Variants in RAB30 observed in about 807,000 individuals in gnomAD.
RAB30 encodes ras-related protein Rab-30.
A neutral mutation model predicts 25.1 loss-of-function variants in RAB30; 9 were observed. The observed-to-expected ratio is 0.36, with a 90% CI of 0.22 to 0.63. The LOEUF (loss-of-function observed/expected upper bound fraction) is 0.63, where lower values mean the gene tolerates loss of function less well. Among genes scored for constraint, RAB30 ranks in the 20% least tolerant of loss-of-function variants. The probability of loss-of-function intolerance (pLI) is 0.69; values close to 1 mark genes in which losing one functional copy is unlikely to be tolerated. For synonymous variants in RAB30, 77 were observed against 86.4 expected (o/e 0.89, Z 0.60); for missense variants, 140 against 243.5 (o/e 0.58, Z 2.83).
intron 2 of RAB30, among the ~76,000 whole-genome samples, chr11:82,996,018 G>A (rs927885317): frequency 6.6e-6 from 1 of 152,188 alleles, no homozygotes; most frequent in African/African-American, 2.4e-5. Context: ...TATGACTAAT[G>A]TTAGGTAGAA....
intron 1 of RAB30, among the ~76,000 whole-genome samples, chr11:83,046,715 G>A (rs1483369663): frequency 1.4e-4 from 21 of 152,090 alleles, no homozygotes; most frequent in Non-Finnish European, 5.9e-5. Context: ...AGCTGGTCTC[G>A]AACTCCTGGC....
intron 1 of RAB30, among the ~76,000 whole-genome samples, chr11:83,065,866 G>C (rs1565294312): frequency 6.6e-6 from 1 of 152,150 alleles, no homozygotes; most frequent in Non-Finnish European, 1.5e-5. Context: ...TAAGTAATTT[G>C]CTCAAGGACA....
chr11:82,973,954 C>T lies in RAB30; in HGVS notation c.*8211G>A, dbSNP rs1418637312. Reference sequence around the variant, plus strand: ...AACAATGTACTGATTTATGCTACAACATGGATGAGCTTTAAAAACATTATG... The same window carrying T: ...AACAATGTACTGATTTATGCTACAATATGGATGAGCTTTAAAAACATTATG... On this transcript the variant is annotated 3_prime_UTR_variant, in exon 5 of 5. Coordinates refer to ENST00000527633, the MANE Select transcript of RAB30 (RefSeq NM_001286060.2). 2 of 152,170 alleles carry T rather than the reference C, an allele frequency of 1.3e-5. No individual in the cohort carries two copies. The highest frequency in any genetic ancestry group is 2.4e-5 in the African/African-American group (1 of 41,426). 9.4% of individuals were successfully genotyped at this position (152,170 alleles called of 1,614,324 possible). A position where few individuals can be genotyped will look rare whatever the true frequency, so the allele number is the denominator to read the frequency against.
intron 3 of RAB30, among the ~76,000 whole-genome samples, chr11:82,992,943 G>A (rs1003953157): frequency 3.3e-5 from 5 of 152,016 alleles, no homozygotes; most frequent in African/African-American, 9.7e-5. Context: ...ATGGAGTCTC[G>A]CTATGTCTTC....
intron 2 of RAB30, among the ~76,000 whole-genome samples, chr11:82,995,553 T>C (rs1344006887): frequency 6.6e-6 from 1 of 152,174 alleles, no homozygotes; most frequent in East Asian, 1.9e-4. Flanking sequence ...ACAAACATAA[T>C]CTTGCCTCTG....
chr11:83,015,593 A>C (rs562457206), intron 1 of RAB30, among the ~76,000 whole-genome samples: 1 of 152,316 alleles, frequency 6.6e-6, no homozygotes, highest in African/African-American at 2.4e-5. Flanking sequence ...CTGAGGCTAA[A>C]GATACAAACG....
intron 1 of RAB30, among the ~76,000 whole-genome samples, chr11:82,999,446 T>G (rs1270414528): frequency 2.6e-5 from 4 of 152,180 alleles, no homozygotes; most frequent in African/African-American, 9.7e-5. Context: ...ATGGGGCCAA[T>G]AACACCTATA....
At chr11:83,045,220 T>TA (rs1858209042) in intron 1 of RAB30, among the ~76,000 whole-genome samples, 1 of 152,022 alleles carries the variant, frequency 6.6e-6, no homozygotes, top group African/African-American at 2.4e-5. Flanking sequence ...ACATTTTTTT[T>TA]TATAGAGACG....
intron 1 of RAB30, among the ~76,000 whole-genome samples, chr11:83,058,751 G>A (rs1858505051): frequency 6.6e-6 from 1 of 152,198 alleles, no homozygotes; most frequent in Non-Finnish European, 1.5e-5. Context: ...ACCTTGTGAA[G>A]AAACATTTTG....
chr11:82,973,547 T>C lies in RAB30; in HGVS notation c.*8618A>G, dbSNP rs952587546. ...GATGGCAACTCAATTTCTACAAGAC[T>C]GAAACAGTCTTCATGAAATTGATTG... On this transcript the variant is annotated 3_prime_UTR_variant, in exon 5 of 5. Coordinates refer to ENST00000527633, the MANE Select transcript of RAB30 (RefSeq NM_001286060.2). 2.0e-4 allele frequency: 30 copies of C among 152,228 alleles called. No homozygotes were observed. Among genetic ancestry groups the C allele is most frequent in the African/African-American group, 7.0e-4 (29 of 41,454 alleles). 9.4% of individuals were successfully genotyped at this position (152,228 alleles called of 1,614,324 possible).
intron 1 of RAB30, among the ~76,000 whole-genome samples, chr11:83,050,037 C>G (rs1395163208): frequency 2.0e-5 from 3 of 152,030 alleles, no homozygotes; most frequent in African/African-American, 7.2e-5. Context: ...GTGGGAGGAT[C>G]ACTTGAGCCT....
At chr11:83,034,710 G>A (rs1857950167) in intron 1 of RAB30, 2 of 152,196 alleles carry the variant, frequency 1.3e-5, no homozygotes, top group South Asian at 4.1e-4. Flanking sequence ...GAGGAAATAA[G>A]TATTTTGAGC....
At chr11:83,032,702 C>T (rs944092456) in intron 1 of RAB30, among the ~76,000 whole-genome samples, 2 of 152,056 alleles carry the variant, frequency 1.3e-5, no homozygotes, top group Admixed American at 6.6e-5. Flanking sequence ...GTATGTTTCG[C>T]ATTAATTATT....
intron 1 of RAB30, among the ~76,000 whole-genome samples, chr11:83,064,120 C>CT (rs1565293667): frequency 2.0e-5 from 3 of 151,200 alleles, no homozygotes; most frequent in African/African-American, 7.3e-5. Flanking sequence ...TATGTTATTT[C>CT]TTTCTTTTCT....
chr11:83,037,218 A>C (rs900324736), intron 1 of RAB30, among the ~76,000 whole-genome samples: 1 of 152,196 alleles, frequency 6.6e-6, no homozygotes, highest in Non-Finnish European at 1.5e-5. Context: ...AAAAACTTTG[A>C]AATTTAATTA....
At chr11:83,068,675 C>T (rs542935365) in intron 1 of RAB30, among the ~76,000 whole-genome samples, 41 of 152,300 alleles carry the variant, frequency 2.7e-4, no homozygotes, top group South Asian at 2.1e-4. Context: ...TCCTCAGGTT[C>T]ACCACTCTTC....
At chr11:83,049,303 C>T (rs551059971) in intron 1 of RAB30, among the ~76,000 whole-genome samples, 62 of 151,584 alleles carry the variant, frequency 4.1e-4, no homozygotes, top group Non-Finnish European at 6.6e-4. Flanking sequence ...CCCAGCTTCT[C>T]GGGAGGTTGA....
At chr11:83,004,472 A>T (rs1857146467) in intron 1 of RAB30, among the ~76,000 whole-genome samples, 1 of 152,216 alleles carries the variant, frequency 6.6e-6, no homozygotes, top group Non-Finnish European at 1.5e-5. Context: ...ATGCTTGCCC[A>T]GAAGCTGTGG....
chr11:82,990,843 A>G (rs974711003), intron 3 of RAB30, among the ~76,000 whole-genome samples: 5 of 152,132 alleles, frequency 3.3e-5, no homozygotes, highest in African/African-American at 1.2e-4. Flanking sequence ...TGGTCTATAT[A>G]TGTTTTAATT....
Sources: allele counts gnomAD v4.1 joint callset (sites outside exome capture counted in the v4.1 genomes callset), GRCh38; gene constraint gnomAD v4.1.1; transcripts MANE v1.5; gene names NCBI Gene and HGNC (gene_info 2026-07-23, HGNC 2026-07-21).